TRAF2: variants seen among roughly 807,000 people sequenced by gnomAD.
TRAF2 encodes TNF receptor associated factor 2.
In TRAF2, 6 loss-of-function variants were observed where a neutral mutation model predicts 55.6. The ratio of observed to expected loss-of-function variants is 0.11; its 90% confidence interval spans 0.06 to 0.21. The LOEUF (loss-of-function observed/expected upper bound fraction) is 0.21, where lower values mean the gene tolerates loss of function less well. Ranked by LOEUF, TRAF2 falls within the 10% of genes least tolerant of loss-of-function variation. The probability of loss-of-function intolerance (pLI) is 1.00; values close to 1 mark genes in which losing one functional copy is unlikely to be tolerated. For synonymous variants in TRAF2, 329 were observed against 276.3 expected (o/e 1.19, Z -1.89); for missense variants, 561 against 684.5 (o/e 0.82, Z 2.01).
chr9:136,900,402 A>G lies in TRAF2; in HGVS notation c.268-20A>G, dbSNP rs1056678064. 3 of 1,556,394 alleles carry G rather than the reference A, an allele frequency of 1.9e-6. No individual in the cohort carries two copies. The highest frequency in any genetic ancestry group is 1.8e-5 in the Admixed American group (1 of 55,452). On this transcript the variant is annotated intron_variant, in intron 3 of 10. Coordinates refer to ENST00000247668, the MANE Select transcript of TRAF2 (RefSeq NM_021138.4). ...GGAGTCTGGGAGGAGGTTTAACCCG[A>G]GGGATATTCCTCTCCCCAGGCCTTC...
At chr9:136,889,292 T>C (rs947720022) in intron 1 of TRAF2, among the ~76,000 whole-genome samples, 2 of 151,682 alleles carry the variant, frequency 1.3e-5, no homozygotes, top group African/African-American at 2.4e-5. Flanking sequence ...CCTTTTTTTT[T>C]CTTTTTTTGA....
At chr9:136,921,521 A>G (rs1474119978) in intron 9 of TRAF2, among the ~76,000 whole-genome samples, 1 of 151,696 alleles carries the variant, frequency 6.6e-6, no homozygotes, top group East Asian at 1.9e-4. Context: ...CCTAAAGCAG[A>G]CATTACATCA....
rs1210628501 is a variant in TRAF2, at chr9:136,893,072, T to C, written c.-28-5641T>C. Among the ~76,000 whole-genome samples the C allele has an allele frequency of 2.0e-5, 3 of 152,286 alleles. No individual in the cohort carries two copies. The East Asian group carries it at 5.8e-4, about 29-fold the overall frequency. On this transcript the variant is annotated intron_variant, in intron 1 of 10. Transcript: ENST00000247668. ...TGAATGTGCGCTGAGGGTGCAGTCC[T>C]GGTGAGCAGGCTACCACCTCAGTTT...
chr9:136,907,956 G>T, intron 4 of TRAF2, 114 bp from the exon 5 acceptor site: 1 of 1,383,102 alleles, frequency 7.2e-7, no homozygotes. Flanking sequence ...CGGCCCCCAG[G>T]ACCAGCATGC....
Position 136,926,371 on chromosome 9 carries a change from C to T in TRAF2, c.*470C>T, listed in dbSNP as rs986590397. The T allele has an allele frequency of 2.1e-5, 7 of 335,622 alleles. No individual in the cohort carries two copies. Among genetic ancestry groups the T allele is most frequent in the Non-Finnish European group, 4.1e-5 (7 of 170,224 alleles). The allele number at this position is 335,622 out of a possible 1,614,324, so 20.8% of individuals were successfully genotyped here. The stretch of plus-strand genomic sequence containing the variant: ...GGCCAGAGCAAGGAAGGCTGAGCAG[C>T]TTGGTTCTCCCCTCTGGCCCCTGGA... On this transcript the variant is annotated 3_prime_UTR_variant, in exon 11 of 11. Coordinates refer to ENST00000247668, the MANE Select transcript of TRAF2 (RefSeq NM_021138.4).
At chr9:136,893,924 AT>A (rs1376089413) in intron 1 of TRAF2, among the ~76,000 whole-genome samples, 2 of 148,536 alleles carry the variant, frequency 1.3e-5, no homozygotes, top group African/African-American at 5.0e-5. Flanking sequence ...TAATTTTTGT[AT>A]TTTTACTAGA....
At chr9:136,910,222 G>A (rs1300171233) in intron 6 of TRAF2, 4 of 588,260 alleles carry the variant, frequency 6.8e-6, no homozygotes, top group Non-Finnish European at 6.1e-6. Flanking sequence ...ATCCTCCAGT[G>A]TACATAGCTG....
chr9:136,887,339 T>C (rs1849476658), intron 1 of TRAF2, among the ~76,000 whole-genome samples: 1 of 152,134 alleles, frequency 6.6e-6, no homozygotes, highest in African/African-American at 2.4e-5. Flanking sequence ...TAGGCCAAGA[T>C]GAAGGAGTCA....
At chr9:136,889,221 T>C (rs1281981428) in intron 1 of TRAF2, among the ~76,000 whole-genome samples, 1 of 142,374 alleles carries the variant, frequency 7.0e-6, no homozygotes, top group African/African-American at 2.8e-5. Context: ...TTTTTTCTGT[T>C]TTTTTTTTTT....
chr9:136,903,153 G>A (rs886169124), intron 4 of TRAF2, among the ~76,000 whole-genome samples: 6 of 152,132 alleles, frequency 3.9e-5, no homozygotes, highest in African/African-American at 1.2e-4. Context: ...GTTTTACCAC[G>A]TTGGCCAGGC....
At chr9:136,908,256 G>T in intron 5 of TRAF2, 25 bp downstream of exon 5, 1 of 1,542,982 alleles carries the variant, frequency 6.5e-7, no homozygotes, top group Non-Finnish European at 8.7e-7. Context: ...GCAGCAGCCT[G>T]TGTGGCTGCA....
intron 7 of TRAF2, 58 bp from the exon 8 acceptor site, chr9:136,920,176 C>T (rs1850349664): frequency 1.3e-6 from 2 of 1,524,738 alleles, no homozygotes; most frequent in South Asian, 2.5e-5. Context: ...GGTGGCCGTC[C>T]CCGGGTGGGA....
At chr9:136,924,033 G>T in intron 10 of TRAF2, 33 bp downstream of exon 10, 1 of 1,606,460 alleles carries the variant, frequency 6.2e-7, no homozygotes. Flanking sequence ...CGCTAGGGCC[G>T]CACCTGGGAG....
intron 3 of TRAF2, among the ~76,000 whole-genome samples, chr9:136,900,121 C>G (rs536306939): frequency 6.7e-6 from 1 of 149,708 alleles, no homozygotes; most frequent in African/African-American, 2.5e-5. Flanking sequence ...GAGCCAAGAT[C>G]GCATGCCACT....
chr9:136,899,094 A>C (rs1324016506), intron 2 of TRAF2, among the ~76,000 whole-genome samples, 166 bp downstream of exon 2: 3 of 152,238 alleles, frequency 2.0e-5, no homozygotes, highest in Non-Finnish European at 4.4e-5. Flanking sequence ...ATGTAAAATT[A>C]ATAATTTTAA....
Position 136,925,623 on chromosome 9 carries a change from G to A in TRAF2, c.1288-60G>A, listed in dbSNP as rs543917455. 1.3e-4 allele frequency: 210 copies of A among 1,565,670 alleles called. 1 individual carries two copies. The African/African-American group carries it at 1.4e-3, about 10-fold the overall frequency. On this transcript the variant is annotated intron_variant, in intron 10 of 10. Coordinates refer to ENST00000247668, the MANE Select transcript of TRAF2 (RefSeq NM_021138.4). ...TGGCCCTGCCAGTGTCCAGACCCTC[G>A]GGAGCCAGAGAGAGACGGCCCACAG...
At chr9:136,884,857 A>G (rs569199697), upstream of TRAF2, among the ~76,000 whole-genome samples, 4 of 152,312 alleles carry the variant, frequency 2.6e-5, no homozygotes, top group Non-Finnish European at 5.9e-5. Flanking sequence ...CTGCCACGTG[A>G]ACCCTTTCTC....
intron 1 of TRAF2, among the ~76,000 whole-genome samples, chr9:136,887,590 A>G (rs910417480): frequency 6.6e-6 from 1 of 152,156 alleles, no homozygotes; most frequent in Non-Finnish European, 1.5e-5. Flanking sequence ...AAGGGAAACT[A>G]GGACTGAGAA....
chr9:136,885,132 C>T (rs186168782), upstream of TRAF2, among the ~76,000 whole-genome samples: 1 of 152,324 alleles, frequency 6.6e-6, no homozygotes, highest in Non-Finnish European at 1.5e-5. Context: ...AGGGGAATTC[C>T]AACTGCAAAC....
Sources: gnomAD v4.1 joint callset for allele counts (sites outside exome capture counted in the v4.1 genomes callset) on GRCh38, gnomAD v4.1.1 for gene constraint, MANE v1.5 for transcripts, NCBI Gene and HGNC (gene_info 2026-07-23, HGNC 2026-07-21) for gene names.